SUPV3L1: variants seen among roughly 807,000 people sequenced by gnomAD.
SUPV3L1 encodes ATP-dependent RNA helicase SUPV3L1, mitochondrial.
A neutral mutation model predicts 70.0 loss-of-function variants in SUPV3L1; 35 were observed. That is an observed-to-expected ratio of 0.50 (90% confidence interval 0.38 to 0.66). The LOEUF (loss-of-function observed/expected upper bound fraction) is 0.66, where lower values mean the gene tolerates loss of function less well. SUPV3L1 is among the 30% of genes least tolerant of loss of function. The pLI is 0.00. For missense variants in SUPV3L1, 777 were observed against 961.5 expected (o/e 0.81, Z 2.54); for synonymous variants, 364 against 341.9 (o/e 1.06, Z -0.71).
chr10:69,186,217 C>T (rs1029857480), intron 2 of SUPV3L1, among the ~76,000 whole-genome samples, 153 bp downstream of exon 2: 5 of 151,330 alleles, frequency 3.3e-5, no homozygotes, highest in African/African-American at 1.2e-4. Context: ...TGGCGAGGCT[C>T]ACCTGGTGAG....
At chr10:69,202,837 TC>T in intron 12 of SUPV3L1, 29 bp from the exon 13 acceptor site, 3 of 1,599,326 alleles carry the variant, frequency 1.9e-6, no homozygotes, top group Non-Finnish European at 2.6e-6. Flanking sequence ...ACTTAGGCAG[TC>T]CAGTAATTTC....
Position 69,189,431 on chromosome 10 carries a change from CTG to C in SUPV3L1, c.738_739del (p.Ala247TrpfsTer5). 6.2e-7 allele frequency: 1 copy of C among 1,607,126 alleles called. No homozygotes were observed. Among genetic ancestry groups the C allele is most frequent in the Non-Finnish European group, 8.5e-7 (1 of 1,176,292 alleles). On this transcript the variant is annotated frameshift_variant and splice_region_variant, in exon 5 of 15. Coordinates refer to ENST00000359655, the MANE Select transcript of SUPV3L1 (RefSeq NM_003171.5). LOFTEE classifies it high-confidence loss of function. ...CATGAGATCTTCGAAAAGAGTAATG[CTG>C]CTGTCAGTATATTACCAAATATTTG...
At chr10:69,190,963 T>C (rs1842375343) in intron 5 of SUPV3L1, among the ~76,000 whole-genome samples, 1 of 151,750 alleles carries the variant, frequency 6.6e-6, no homozygotes, top group African/African-American at 2.4e-5. Context: ...AGCATTAATG[T>C]TGGTCCCTCT....
At chr10:69,194,449 T>C (rs1489634587) in intron 6 of SUPV3L1, among the ~76,000 whole-genome samples, 3 of 151,656 alleles carry the variant, frequency 2.0e-5, no homozygotes, top group African/African-American at 7.3e-5. Flanking sequence ...CCTCCCGGGA[T>C]CAAATGATTC....
intron 13 of SUPV3L1, among the ~76,000 whole-genome samples, chr10:69,207,503 A>T (rs1055124247): frequency 2.6e-5 from 4 of 151,950 alleles, no homozygotes; most frequent in African/African-American, 9.7e-5. Flanking sequence ...TTTTGTATGG[A>T]TGGGGTTTCT....
At chr10:69,189,001 G>T (rs937171460) in intron 4 of SUPV3L1, among the ~76,000 whole-genome samples, 3 of 152,154 alleles carry the variant, frequency 2.0e-5, no homozygotes, top group Admixed American at 6.5e-5. Context: ...TTTAGTAACC[G>T]CTGAGAAAAA....
intron 1 of SUPV3L1, among the ~76,000 whole-genome samples, chr10:69,181,467 T>A (rs968140785): frequency 2.0e-5 from 3 of 152,262 alleles, no homozygotes; most frequent in African/African-American, 7.2e-5. Context: ...AAACATGTGA[T>A]GGAACTCACA....
rs1306963622 is a variant in SUPV3L1 at position 69,180,303 on chromosome 10, C to G, written c.12C>G (p.Ser4=). Residue 4 remains serine (S), a synonymous_variant, in exon 1 of 15, where the codon TCC becomes TCG. Transcript: ENST00000359655. ...AACCTGCGGCCTCGATGTCCTTCTCCCGTGCCCTATTGTGGGCTCGGCTCC... is the reference window on the plus strand; with the variant it reads ...AACCTGCGGCCTCGATGTCCTTCTCGCGTGCCCTATTGTGGGCTCGGCTCC... MSF[S]RALLWARLPA... is the part of the protein sequence containing the mutation. The G allele has an allele frequency of 1.4e-5, 22 of 1,613,650 alleles. No homozygotes were observed. Among genetic ancestry groups the G allele is most frequent in the Non-Finnish European group, 1.8e-5 (21 of 1,179,902 alleles).
rs529822050 is a variant in SUPV3L1 at position 69,198,489 on chromosome 10, G to A, written c.1141G>A (p.Val381Met). Residue 381 changes from valine (V) to methionine (M), a missense_variant, in exon 9 of 15, where the codon GTG becomes ATG. By Grantham distance (21) the Val-to-Met change is conservative. This residue lies in a region of SUPV3L1 where 619 missense variants were observed against 823.3 expected (regional missense o/e 0.75). Transcript: ENST00000359655. ...VCFSKNDIYS[V>M]SRQIEIRGLE... ...TTTTAGCAAGAATGATATTTATTCT[G>A]TGAGTCGGCAGATTGAAATTCGGGG... 19 of 1,614,030 alleles carry A rather than the reference G, an allele frequency of 1.2e-5. No homozygotes were observed. In the South Asian group the frequency reaches 1.9e-4, roughly 16 times the overall value.
intron 13 of SUPV3L1, among the ~76,000 whole-genome samples, chr10:69,206,381 G>A (rs1009715939): frequency 6.6e-6 from 1 of 152,134 alleles, no homozygotes; most frequent in Admixed American, 6.5e-5. Flanking sequence ...CCCCTAATCA[G>A]GAAATGAATC....
chr10:69,191,817 T>G, intron 6 of SUPV3L1, 51 bp downstream of exon 6: 1 of 1,481,774 alleles, frequency 6.7e-7, no homozygotes, highest in Non-Finnish European at 9.3e-7. Flanking sequence ...TAATTTTTTT[T>G]TTTTTTCAAG....
rs34197871 is a variant in SUPV3L1 at position 69,186,325 on chromosome 10, C to CAAA, written c.350-101_350-99dup. 9.3e-4 allele frequency: 372 copies of CAAA among 397,876 alleles called. 1 individual carries two copies. The highest frequency in any genetic ancestry group is 1.9e-3 in the South Asian group (80 of 41,074). 24.6% of individuals were successfully genotyped at this position (397,876 alleles called of 1,614,324 possible). A position where few individuals can be genotyped will look rare whatever the true frequency, so the allele number is the denominator to read the frequency against. On this transcript the variant is annotated intron_variant, in intron 2 of 14. Coordinates refer to ENST00000359655, the MANE Select transcript of SUPV3L1 (RefSeq NM_003171.5). ...GATCATAATAAACCAGCTGTACTGC[C>CAAA]AAAAAAAAAAAAAAAAAAAGAAAAA...
chr10:69,193,088 G>C (rs1202270781), intron 6 of SUPV3L1: 1 of 152,078 alleles, frequency 6.6e-6, no homozygotes, highest in African/African-American at 2.4e-5. Context: ...ATATAAAAAT[G>C]TAAGCAAGCA....
At chr10:69,205,037 C>A (rs1196474169) in intron 13 of SUPV3L1, among the ~76,000 whole-genome samples, 1 of 152,182 alleles carries the variant, frequency 6.6e-6, no homozygotes, top group Non-Finnish European at 1.5e-5. Context: ...TCCCAAAGTG[C>A]TAGGATTACA....
At position 69,189,220 on chromosome 10, in the gene SUPV3L1, G is replaced by A. The variant is rs146258804; in HGVS notation, c.573-47G>A. On this transcript the variant is annotated intron_variant, in intron 4 of 14. Coordinates refer to ENST00000359655, the MANE Select transcript of SUPV3L1 (RefSeq NM_003171.5). ...TTTCATTTGCTGTCTTTGCCAGGATGGATTTTGAGGTTAATGGATTAAGCT... is the reference window on the plus strand; with the variant it reads ...TTTCATTTGCTGTCTTTGCCAGGATAGATTTTGAGGTTAATGGATTAAGCT... 1.7e-5 allele frequency: 27 copies of A among 1,543,606 alleles called. No homozygotes were observed. The East Asian group carries it at 4.2e-4, about 24-fold the overall frequency.
In SUPV3L1 at chr10:69,200,518, A is replaced by G. The variant is rs752604946; in HGVS notation, c.1518+19A>G. The G allele has an allele frequency of 1.9e-6, 3 of 1,584,148 alleles. No individual in the cohort carries two copies. The South Asian group carries it at 3.3e-5, about 18-fold the overall frequency. On this transcript the variant is annotated intron_variant, in intron 11 of 14. Transcript: ENST00000359655. Reference sequence around the variant, plus strand: ...TATAAGGGTAAGAGGTAACATGTTAACTACTGCTTCTCTGTGGAGGAGAGT... The same window carrying G: ...TATAAGGGTAAGAGGTAACATGTTAGCTACTGCTTCTCTGTGGAGGAGAGT...
intron 10 of SUPV3L1, among the ~76,000 whole-genome samples, chr10:69,199,899 C>T (rs748907258): frequency 2.0e-5 from 3 of 152,096 alleles, no homozygotes; most frequent in Non-Finnish European, 4.4e-5. Flanking sequence ...CGCCGGAGTA[C>T]AGTGGTGTGA....
At chr10:69,193,478 G>C (rs1842454055) in intron 6 of SUPV3L1, among the ~76,000 whole-genome samples, 2 of 143,026 alleles carry the variant, frequency 1.4e-5, no homozygotes, top group Non-Finnish European at 3.0e-5. Flanking sequence ...TTTTGAGACA[G>C]GGTCTCACTC....
chr10:69,196,374 C>T (rs908246386), intron 7 of SUPV3L1, among the ~76,000 whole-genome samples: 1 of 152,004 alleles, frequency 6.6e-6, no homozygotes, highest in African/African-American at 2.4e-5. Context: ...TGCCTGTAAC[C>T]CAGCTACTCC....
Sources: allele counts gnomAD v4.1 joint callset (sites outside exome capture counted in the v4.1 genomes callset), GRCh38; gene constraint gnomAD v4.1.1; regional missense constraint gnomAD v4.1.1; transcripts MANE v1.5; gene names NCBI Gene and HGNC (gene_info 2026-07-23, HGNC 2026-07-21).